Variants in NELL1 observed in about 807,000 individuals in gnomAD.
NELL1 encodes neural EGFL like 1, also known as protein kinase C-binding protein NELL1.
Under a neutral mutation model 107.4 loss-of-function variants are expected in NELL1, and 76 were observed. The ratio of observed to expected loss-of-function variants is 0.71; its 90% CI spans 0.59 to 0.86. The LOEUF (loss-of-function observed/expected upper bound fraction) is 0.86. Among genes scored for constraint, NELL1 ranks in the 40% least tolerant of loss-of-function variants. NELL1 has a pLI of 0.00. For missense variants in NELL1, 1,024 were observed against 1,005.5 expected (o/e 1.02, Z -0.25); for synonymous variants, 353 against 341.2 (o/e 1.03, Z -0.38).
intron 4 of NELL1, among the ~76,000 whole-genome samples, chr11:20,859,539 G>A (rs1050835231): frequency 6.6e-6 from 1 of 152,174 alleles, no homozygotes; most frequent in South Asian, 2.1e-4. Context: ...ATGTGGAGTA[G>A]ACGTTACACT....
At chr11:21,298,120 G>A (rs942321323) in intron 14 of NELL1, among the ~76,000 whole-genome samples, 1 of 151,904 alleles carries the variant, frequency 6.6e-6, no homozygotes, top group African/African-American at 2.4e-5. Flanking sequence ...AAGATTTAAG[G>A]TGAACAGCTG....
intron 12 of NELL1, among the ~76,000 whole-genome samples, chr11:21,051,570 T>A (rs1853494069): frequency 6.6e-6 from 1 of 152,070 alleles, no homozygotes; most frequent in Non-Finnish European, 1.5e-5. Context: ...AAAATAATAA[T>A]AATAATAAAA....
At chr11:21,326,075 TTTTTTTG>T (rs1182474085) in intron 14 of NELL1, among the ~76,000 whole-genome samples, 27 of 74,542 alleles carry the variant, frequency 3.6e-4, no homozygotes, top group Middle Eastern at 0.012. Flanking sequence ...TTTTTTTTTT[TTTTTTTG>T]GGCTATTTTG....
At chr11:21,476,931 G>A (rs1174275259) in intron 15 of NELL1, among the ~76,000 whole-genome samples, 1 of 152,102 alleles carries the variant, frequency 6.6e-6, no homozygotes, top group East Asian at 1.9e-4. Context: ...GAGGGGAAAC[G>A]TCCATCCCAG....
chr11:20,850,265 A>C (rs1004745028), intron 4 of NELL1, among the ~76,000 whole-genome samples: 1 of 152,208 alleles, frequency 6.6e-6, no homozygotes, highest in Admixed American at 6.5e-5. Context: ...CCACCCTCAC[A>C]GAGAGTGAAT....
intron 12 of NELL1, among the ~76,000 whole-genome samples, chr11:21,012,123 G>A (rs780361295): frequency 2.0e-5 from 3 of 152,112 alleles, no homozygotes; most frequent in Non-Finnish European, 4.4e-5. Flanking sequence ...CCACCCCCAA[G>A]TTGAGCCCCA....
intron 3 of NELL1, among the ~76,000 whole-genome samples, chr11:20,845,083 T>C (rs7126191): frequency 0.34 from 51,165 of 152,130 alleles, 9,985 homozygotes; most frequent in African/African-American, 0.54. Flanking sequence ...TTGCTAAGGC[T>C]GCTTCAGCAG....
At chr11:21,180,433 C>G (rs930559106) in intron 13 of NELL1, among the ~76,000 whole-genome samples, 2 of 151,778 alleles carry the variant, frequency 1.3e-5, no homozygotes, top group Admixed American at 1.3e-4. Flanking sequence ...ATAATTTACA[C>G]AGAGATTCTC....
chr11:20,685,825 G>A (rs1288881453), intron 2 of NELL1, among the ~76,000 whole-genome samples: 1 of 152,034 alleles, frequency 6.6e-6, no homozygotes, highest in Non-Finnish European at 1.5e-5. Context: ...GACTGGGGAA[G>A]GGCAGAAGAT....
intron 12 of NELL1, among the ~76,000 whole-genome samples, chr11:21,056,489 A>C (rs746582525): frequency 2.1e-4 from 32 of 152,072 alleles, no homozygotes; most frequent in Non-Finnish European, 7.4e-5. Flanking sequence ...TTGTCATCTA[A>C]AAAAATGAGG....
intron 12 of NELL1, among the ~76,000 whole-genome samples, chr11:21,096,987 G>A (rs185149576): frequency 3.3e-5 from 5 of 152,140 alleles, no homozygotes; most frequent in Admixed American, 3.3e-4. Context: ...AAAGTGCTGG[G>A]ATTACAGGCA....
rs770275415 is a variant in NELL1 at position 20,783,679 on chromosome 11, G to C, written c.185-1G>C. 6 of 1,610,128 alleles carry C rather than the reference G, an allele frequency of 3.7e-6. No homozygotes were observed. In the East Asian group the frequency reaches 1.3e-4, roughly 36 times the overall value. ...CTCCTGCTTTTCTTCTTGATTCCTA[G>C]ACATAGAAAGAGAGATCCATGCAGC... On this transcript the variant is annotated splice_acceptor_variant, in intron 2 of 19. Coordinates refer to ENST00000357134, the MANE Select transcript of NELL1 (RefSeq NM_006157.5). LOFTEE classifies it high-confidence loss of function.
intron 16 of NELL1, 32 bp downstream of exon 16, chr11:21,534,546 CTTGG>C (rs755611234): frequency 6.2e-7 from 1 of 1,610,934 alleles, no homozygotes; most frequent in East Asian, 2.2e-5. Flanking sequence ...CCTCCAACTG[CTTGG>C]ACCTTTGCAG....
intron 2 of NELL1, among the ~76,000 whole-genome samples, chr11:20,691,543 G>A (rs1003014873): frequency 7.9e-5 from 12 of 151,990 alleles, no homozygotes; most frequent in Non-Finnish European, 1.3e-4. Context: ...TGAGATAATC[G>A]TGTGGTTTTT....
intron 15 of NELL1, among the ~76,000 whole-genome samples, chr11:21,435,278 GT>G (rs1268482539): frequency 2.0e-5 from 3 of 151,988 alleles, no homozygotes; most frequent in Non-Finnish European, 4.4e-5. Context: ...TAGAGGAAAG[GT>G]TTTTTTAGCA....
chr11:21,119,961 C>G (rs934815736), intron 13 of NELL1, among the ~76,000 whole-genome samples: 2 of 152,090 alleles, frequency 1.3e-5, no homozygotes, highest in Non-Finnish European at 2.9e-5. Flanking sequence ...AAGACAGATA[C>G]TTCACAGTAA....
chr11:21,185,050 T>C (rs761955023), intron 13 of NELL1, among the ~76,000 whole-genome samples: 2 of 151,724 alleles, frequency 1.3e-5, no homozygotes, highest in Non-Finnish European at 2.9e-5. Context: ...TTTTAGTGTG[T>C]TTTCCTCCCA....
chr11:20,731,169 T>G (rs1347473647), intron 2 of NELL1, among the ~76,000 whole-genome samples: 3 of 152,178 alleles, frequency 2.0e-5, no homozygotes, highest in Non-Finnish European at 4.4e-5. Context: ...GAAACACAGT[T>G]CTGCAGACAC....
chr11:20,718,775 A>G (rs1411609321), intron 2 of NELL1, among the ~76,000 whole-genome samples: 2 of 152,182 alleles, frequency 1.3e-5, no homozygotes, highest in African/African-American at 4.8e-5. Context: ...CGATGAGGAG[A>G]ACGAGGGGCC....
Sources: allele counts gnomAD v4.1 joint callset (sites outside exome capture counted in the v4.1 genomes callset), GRCh38; gene constraint gnomAD v4.1.1; transcripts MANE v1.5; gene names NCBI Gene and HGNC (gene_info 2026-07-23, HGNC 2026-07-21).